Variants in ATG10 observed in about 807,000 individuals in gnomAD.
ATG10 encodes the protein ubiquitin-like-conjugating enzyme ATG10.
In ATG10, 30 loss-of-function variants were observed where a neutral mutation model predicts 32.1. That is an observed-to-expected ratio of 0.94 (90% confidence interval 0.70 to 1.27). The LOEUF is 1.27. Among genes scored for constraint, ATG10 ranks in the 50% most tolerant of loss-of-function variants. The pLI is 0.00. For synonymous variants in ATG10, 87 were observed against 91.5 expected (o/e 0.95, Z 0.28); for missense variants, 233 against 262.3 (o/e 0.89, Z 0.77).
At chr5:81,997,286 G>A (rs1051205226) in intron 2 of ATG10, among the ~76,000 whole-genome samples, 3 of 152,192 alleles carry the variant, frequency 2.0e-5, no homozygotes, top group Admixed American at 1.3e-4. Flanking sequence ...GGCTCCTCCA[G>A]TGCAGCAGGT....
intron 3 of ATG10, among the ~76,000 whole-genome samples, chr5:82,090,422 C>T (rs1764844013): frequency 6.6e-6 from 1 of 152,158 alleles, no homozygotes; most frequent in Admixed American, 6.6e-5. Flanking sequence ...TTATTCTATT[C>T]AGCAATGAAA....
chr5:82,171,684 A>G (rs1400726798), intron 4 of ATG10, among the ~76,000 whole-genome samples: 1 of 152,236 alleles, frequency 6.6e-6, no homozygotes, highest in African/African-American at 2.4e-5. Context: ...CATCTGCTTA[A>G]TGCTATGGAT....
At chr5:82,172,298 C>G (rs1377818398) in intron 4 of ATG10, among the ~76,000 whole-genome samples, 1 of 152,166 alleles carries the variant, frequency 6.6e-6, no homozygotes, top group Non-Finnish European at 1.5e-5. Flanking sequence ...AGCGCATGGT[C>G]TAGAGTCAGA....
At chr5:82,051,881 A>T (rs1195217939) in intron 2 of ATG10, among the ~76,000 whole-genome samples, 2 of 152,190 alleles carry the variant, frequency 1.3e-5, no homozygotes, top group Non-Finnish European at 2.9e-5. Context: ...TCTACTTAGC[A>T]GTAGTTTCTA....
intron 5 of ATG10, among the ~76,000 whole-genome samples, chr5:82,209,678 A>G (rs1053606508): frequency 5.9e-5 from 9 of 152,188 alleles, no homozygotes; most frequent in Admixed American, 3.9e-4. Flanking sequence ...CTTCATATGT[A>G]TCCTCCCGAG....
chr5:82,176,463 C>T (rs746885455), intron 4 of ATG10, among the ~76,000 whole-genome samples: 9 of 152,122 alleles, frequency 5.9e-5, no homozygotes, highest in East Asian at 1.9e-4. Context: ...CTAACTTTGA[C>T]GTGTAAAAAT....
chr5:82,033,930 T>G (rs1316253084), intron 2 of ATG10, among the ~76,000 whole-genome samples: 2 of 148,722 alleles, frequency 1.3e-5, no homozygotes, highest in African/African-American at 4.9e-5. Context: ...TATATGTGTA[T>G]ATGTATGTGT....
In ATG10 at chr5:82,108,258, T is replaced by G. The variant is rs1765500956; in HGVS notation, c.216+49656T>G. On this transcript the variant is annotated intron_variant, in intron 3 of 7. Coordinates refer to ENST00000282185, the MANE Select transcript of ATG10 (RefSeq NM_031482.5). ...CTAGGTAAGGTCAGACATTATATCA[T>G]CGTGGATAATAATAAGAGTAATGGT... Among the ~76,000 whole-genome samples, 2 of 152,000 alleles carry G rather than the reference T, an allele frequency of 1.3e-5. 1 individual carries two copies. The highest frequency in any genetic ancestry group is 4.8e-5 in the African/African-American group (2 of 41,396).
rs568053943 is a variant in ATG10, at chr5:82,128,858, G to A, written c.217-35541G>A. ...GTTTTTGGGTTGCTCTTCTCAAGGA[G>A]TATTTTTGTGGTGTTCTCTGTATTT... On this transcript the variant is annotated intron_variant, in intron 3 of 7. Transcript: ENST00000282185. 5.3e-5 allele frequency among the ~76,000 whole-genome samples: 8 copies of A among 151,728 alleles called. 1 individual carries two copies. The South Asian group carries it at 1.5e-3, about 28-fold the overall frequency.
At chr5:82,071,631 G>A (rs756785174) in intron 3 of ATG10, among the ~76,000 whole-genome samples, 6 of 152,116 alleles carry the variant, frequency 3.9e-5, no homozygotes, top group Non-Finnish European at 7.4e-5. Flanking sequence ...TGAGAGAGGT[G>A]CACATGGTGA....
rs528033139 is a variant in ATG10 at position 81,983,639 on chromosome 5, G to T, written c.-12-3920G>T. ...GACGGGGCGGCTGGCCGGGCGGGGGGGCTGACCCTCCCACCTCCCTCCCGG... is the reference window on the plus strand; with the variant it reads ...GACGGGGCGGCTGGCCGGGCGGGGGTGCTGACCCTCCCACCTCCCTCCCGG... On this transcript the variant is annotated intron_variant, in intron 1 of 7. Coordinates refer to ENST00000282185, the MANE Select transcript of ATG10 (RefSeq NM_031482.5). 1.9e-4 allele frequency among the ~76,000 whole-genome samples: 29 copies of T among 150,878 alleles called. 1 individual carries two copies. Among genetic ancestry groups the T allele is most frequent in the African/African-American group, 2.9e-4 (12 of 40,980 alleles).
intron 4 of ATG10, among the ~76,000 whole-genome samples, chr5:82,174,404 C>G (rs1318379126): frequency 1.3e-5 from 2 of 152,208 alleles, no homozygotes; most frequent in African/African-American, 4.8e-5. Context: ...GCCAACCATA[C>G]TCTGATTACT....
At chr5:82,004,009 G>T (rs1761920638) in intron 2 of ATG10, among the ~76,000 whole-genome samples, 2 of 152,064 alleles carry the variant, frequency 1.3e-5, no homozygotes, top group African/African-American at 2.4e-5. Flanking sequence ...TCATTGTAGT[G>T]GGGGCACCTG....
At chr5:82,195,584 T>C (rs1053294620) in intron 5 of ATG10, among the ~76,000 whole-genome samples, 12 of 152,170 alleles carry the variant, frequency 7.9e-5, no homozygotes, top group Non-Finnish European at 1.6e-4. Context: ...TTAACTTTTT[T>C]CTCTATAGAG....
chr5:82,176,869 G>A (rs2149920568), intron 4 of ATG10, among the ~76,000 whole-genome samples: 2 of 152,212 alleles, frequency 1.3e-5, no homozygotes, highest in East Asian at 3.9e-4. Flanking sequence ...ATGCCAAGAT[G>A]AAGATACTTA....
chr5:82,000,009 C>A lies in ATG10; in HGVS notation c.108+12331C>A, dbSNP rs527659570. ...CAAAAACTTGAGGAGAAGAGAACAACAAAAAAATAAAACTTCCAGGCCAAT... is the reference window on the plus strand; with the variant it reads ...CAAAAACTTGAGGAGAAGAGAACAAAAAAAAAATAAAACTTCCAGGCCAAT... On this transcript the variant is annotated intron_variant, in intron 2 of 7. Transcript: ENST00000282185. Among the ~76,000 whole-genome samples, 3 of 151,890 alleles carry A rather than the reference C, an allele frequency of 2.0e-5. No individual in the cohort carries two copies. In the East Asian group the frequency reaches 5.8e-4, roughly 29 times the overall value.
chr5:82,167,303 G>C (rs1743621441), intron 4 of ATG10, among the ~76,000 whole-genome samples: 1 of 152,172 alleles, frequency 6.6e-6, no homozygotes, highest in Non-Finnish European at 1.5e-5. Flanking sequence ...ATAAAAACAA[G>C]AGTGAAGGAA....
intron 3 of ATG10, among the ~76,000 whole-genome samples, chr5:82,120,034 C>T (rs1765985188): frequency 6.7e-6 from 1 of 149,824 alleles, no homozygotes; most frequent in Non-Finnish European, 1.5e-5. Context: ...ACGCACATAC[C>T]CGTGAAGATC....
intron 2 of ATG10, among the ~76,000 whole-genome samples, chr5:81,992,900 G>T (rs1156340257): frequency 6.7e-6 from 1 of 149,358 alleles, no homozygotes; most frequent in Non-Finnish European, 1.5e-5. Flanking sequence ...TTTATATCTG[G>T]AGCTATACAG....
Sources: allele counts gnomAD v4.1 joint callset (sites outside exome capture counted in the v4.1 genomes callset), GRCh38; gene constraint gnomAD v4.1.1; transcripts MANE v1.5; gene names NCBI Gene and HGNC (gene_info 2026-07-23, HGNC 2026-07-21).